The following CSGALNACT1 variants were observed in gnomAD, a reference collection of about 807,000 sequenced individuals.
CSGALNACT1 encodes beta4GalNAcT-1.
In CSGALNACT1, 52 loss-of-function variants were observed where a neutral mutation model predicts 51.0. The ratio of observed to expected loss-of-function variants is 1.02; its 90% CI spans 0.82 to 1.29. The LOEUF is 1.29. CSGALNACT1 is among the 50% of genes most tolerant of loss of function. CSGALNACT1 has a pLI of 0.00. For synonymous variants in CSGALNACT1, 341 were observed against 254.4 expected (o/e 1.34, Z -3.24); for missense variants, 935 against 679.2 (o/e 1.38, Z -4.19).
chr8:19,458,448 G>C, exon 5 of CSGALNACT1: 5 of 1,614,104 alleles, frequency 3.1e-6, no homozygotes, highest in Non-Finnish European at 4.2e-6. Flanking sequence ...ATGAACTGCC[G>C]GAACTTGTCC....
chr8:19,405,975 A>T, exon 10 of CSGALNACT1: 1 of 1,614,202 alleles, frequency 6.2e-7, no homozygotes, highest in Non-Finnish European at 8.5e-7. Context: ...GTCCTCGCAC[A>T]GGCGTCCGTA....
At chr8:19,728,102 C>T (rs957553960) in intron 1 of CSGALNACT1, among the ~76,000 whole-genome samples, 2 of 152,128 alleles carry the variant, frequency 1.3e-5, no homozygotes, top group Admixed American at 6.6e-5. Flanking sequence ...TGGGCTCCAG[C>T]ACTTACCAGC....
intron 3 of CSGALNACT1, among the ~76,000 whole-genome samples, chr8:19,527,709 T>C (rs961199714): frequency 3.3e-5 from 5 of 152,182 alleles, no homozygotes; most frequent in Non-Finnish European, 7.3e-5. Flanking sequence ...CAGGTCAGCA[T>C]AGCTGGAGTG....
At chr8:19,448,349 G>C (rs182801707) in intron 5 of CSGALNACT1, among the ~76,000 whole-genome samples, 4 of 152,270 alleles carry the variant, frequency 2.6e-5, no homozygotes, top group Admixed American at 2.0e-4. Context: ...TATGGTCTTT[G>C]TAGTAGAACC....
chr8:19,572,060 G>C (rs2043163889), intron 3 of CSGALNACT1, among the ~76,000 whole-genome samples: 2 of 152,156 alleles, frequency 1.3e-5, no homozygotes, highest in African/African-American at 4.8e-5. Flanking sequence ...CCACCTTCAA[G>C]TGTTTTTCTC....
At chr8:19,656,601 CA>C (rs753392496) in intron 1 of CSGALNACT1, among the ~76,000 whole-genome samples, 9,746 of 56,178 alleles carry the variant, frequency 0.17, 451 homozygotes, top group Middle Eastern at 0.21. Context: ...GCCCCCCCCC[CA>C]CACACACACA....
intron 1 of CSGALNACT1, among the ~76,000 whole-genome samples, chr8:19,659,397 T>C (rs2058573092): frequency 6.6e-6 from 1 of 152,200 alleles, no homozygotes; most frequent in Admixed American, 6.5e-5. Flanking sequence ...CACACTCTCT[T>C]TGCATCAACC....
chr8:19,558,375 C>A (rs2039944321), intron 3 of CSGALNACT1, among the ~76,000 whole-genome samples: 1 of 152,146 alleles, frequency 6.6e-6, no homozygotes, highest in South Asian at 2.1e-4. Context: ...TGGAACTTGG[C>A]TCTTTGCCCT....
chr8:19,521,403 G>C (rs936206943), intron 3 of CSGALNACT1, among the ~76,000 whole-genome samples: 2 of 152,206 alleles, frequency 1.3e-5, no homozygotes, highest in Admixed American at 6.5e-5. Context: ...GGCCCAGGGG[G>C]CCGGCACGGT....
upstream of CSGALNACT1, among the ~76,000 whole-genome samples, chr8:19,606,510 A>T (rs934883410): frequency 6.6e-6 from 1 of 152,232 alleles, no homozygotes; most frequent in African/African-American, 2.4e-5. Context: ...ATTTTACTGC[A>T]AATAGTATGT....
chr8:19,743,473 T>C (rs1273591618), intron 1 of CSGALNACT1, among the ~76,000 whole-genome samples: 1 of 152,140 alleles, frequency 6.6e-6, no homozygotes, highest in Non-Finnish European at 1.5e-5. Flanking sequence ...CTAGAGTGAG[T>C]CATAATCTTA....
At chr8:19,438,525 G>T (rs2060768337) in intron 6 of CSGALNACT1, among the ~76,000 whole-genome samples, 1 of 152,174 alleles carries the variant, frequency 6.6e-6, no homozygotes, top group Admixed American at 6.5e-5. Flanking sequence ...GCTTTAAGTT[G>T]TTGCTGGTTT....
At chr8:19,666,781 A>AGAGAGAG (rs2059220866) in intron 1 of CSGALNACT1, among the ~76,000 whole-genome samples, 1 of 19,868 alleles carries the variant, frequency 5.0e-5, no homozygotes, top group Non-Finnish European at 9.8e-5. Flanking sequence ...GAAAGAAAGA[A>AGAGAGAG]AGAAAGAAAG....
At chr8:19,594,946 C>T (rs1350907338) in intron 2 of CSGALNACT1, among the ~76,000 whole-genome samples, 2 of 152,176 alleles carry the variant, frequency 1.3e-5, no homozygotes, top group East Asian at 1.9e-4. Context: ...GCTATTCACA[C>T]GTGTTATAAA....
At chr8:19,517,945 T>C (rs1254163867) in intron 3 of CSGALNACT1, among the ~76,000 whole-genome samples, 1 of 152,186 alleles carries the variant, frequency 6.6e-6, no homozygotes, top group Non-Finnish European at 1.5e-5. Flanking sequence ...GTAATGGCCA[T>C]GTGTCAAACT....
chr8:19,471,089 C>G (rs1196798997), intron 4 of CSGALNACT1, among the ~76,000 whole-genome samples: 2 of 151,778 alleles, frequency 1.3e-5, no homozygotes, highest in East Asian at 3.9e-4. Context: ...GAGCAAGACT[C>G]TGTCTCAAAA....
chr8:19,541,373 C>G (rs185337297), intron 3 of CSGALNACT1, among the ~76,000 whole-genome samples: 30 of 151,078 alleles, frequency 2.0e-4, no homozygotes, highest in Middle Eastern at 3.4e-3. Context: ...GCCTCAGCCT[C>G]CCGAGCAGGT....
At chr8:19,676,084 T>TTAAAAAAA (rs1554800831) in intron 1 of CSGALNACT1, among the ~76,000 whole-genome samples, 3 of 106,240 alleles carry the variant, frequency 2.8e-5, no homozygotes, top group South Asian at 6.8e-4. Context: ...TTGTCTGATT[T>TTAAAAAAA]AAAAAACAAA....
At chr8:19,749,649 G>A (rs34995597) in intron 1 of CSGALNACT1, among the ~76,000 whole-genome samples, 22,710 of 152,072 alleles carry the variant, frequency 0.15, 1,871 homozygotes, top group Middle Eastern at 0.29. Flanking sequence ...CTAGTCTACA[G>A]AACTGCAAGC....
Sources: allele counts gnomAD v4.1 joint callset (sites outside exome capture counted in the v4.1 genomes callset), GRCh38; gene constraint gnomAD v4.1.1; transcripts MANE v1.5; gene names NCBI Gene and HGNC (gene_info 2026-07-23, HGNC 2026-07-21).